Variants in RAB4A observed in about 807,000 individuals in gnomAD.
The protein encoded by RAB4A is RAB4A, member RAS oncogene family.
In RAB4A, 20 loss-of-function variants were observed where a neutral mutation model predicts 34.5. The ratio of observed to expected loss-of-function variants is 0.58; its 90% CI spans 0.41 to 0.84. RAB4A has a LOEUF of 0.84. Ranked by LOEUF, RAB4A falls within the 40% of genes least tolerant of loss-of-function variation. The pLI is 0.00. For synonymous variants in RAB4A, 102 were observed against 100.0 expected (o/e 1.02, Z -0.12); for missense variants, 228 against 274.5 (o/e 0.83, Z 1.20).
intron 1 of RAB4A, among the ~76,000 whole-genome samples, chr1:229,272,310 C>T (rs1012563003): frequency 2.0e-5 from 3 of 152,120 alleles, no homozygotes; most frequent in Non-Finnish European, 2.9e-5. Context: ...TTACATACCT[C>T]AAGCCAAATT....
chr1:229,302,325 T>TTA (rs1182960771), intron 6 of RAB4A, among the ~76,000 whole-genome samples: 5 of 95,846 alleles, frequency 5.2e-5, no homozygotes, highest in African/African-American at 1.6e-4. Context: ...TTTTTTTTTT[T>TTA]ACATGTGCAT....
chr1:229,289,514 T>C (rs1056477645), intron 3 of RAB4A, among the ~76,000 whole-genome samples: 44 of 152,348 alleles, frequency 2.9e-4, no homozygotes, highest in African/African-American at 1.0e-3. Flanking sequence ...ACATGTCGTA[T>C]ATTAAATAAT....
Position 229,271,179 on chromosome 1 carries a change from G to T in RAB4A, c.-161G>T. ...CTGCGCCTGCGCGGAGCTGGAGTCC[G>T]GCTGGGCCGCAGCCGCTGGGAGACC... is the stretch of plus-strand genomic sequence containing the variant. On this transcript the variant is annotated 5_prime_UTR_variant, in exon 1 of 8. Coordinates refer to ENST00000366690, the MANE Select transcript of RAB4A (RefSeq NM_004578.4). 1 of 642,476 alleles carries T rather than the reference G, an allele frequency of 1.6e-6. No homozygotes were observed. Among genetic ancestry groups the T allele is most frequent in the Non-Finnish European group, 2.2e-6 (1 of 456,382 alleles). 39.8% of individuals were successfully genotyped at this position (642,476 alleles called of 1,614,324 possible).
At chr1:229,274,759 G>A (rs768663287) in intron 1 of RAB4A, among the ~76,000 whole-genome samples, 10 of 152,246 alleles carry the variant, frequency 6.6e-5, no homozygotes, top group Non-Finnish European at 1.5e-4. Context: ...TATGTAGTGG[G>A]AAAATGCCAG....
chr1:229,287,361 C>T (rs563379259), intron 2 of RAB4A, among the ~76,000 whole-genome samples: 36 of 152,226 alleles, frequency 2.4e-4, no homozygotes, highest in South Asian at 6.2e-4. Context: ...TTTTCATCAC[C>T]CAAGAGCTTG....
intron 2 of RAB4A, among the ~76,000 whole-genome samples, chr1:229,287,164 TG>T (rs1245351944): frequency 6.6e-6 from 1 of 152,190 alleles, no homozygotes; most frequent in African/African-American, 2.4e-5. Context: ...GAGAAAGACC[TG>T]TCTAGTTAGT....
intron 1 of RAB4A, among the ~76,000 whole-genome samples, chr1:229,274,518 A>G (rs1656588981): frequency 6.6e-6 from 1 of 152,250 alleles, no homozygotes; most frequent in Non-Finnish European, 1.5e-5. Flanking sequence ...TTTATGTAAT[A>G]TCGTGAAACA....
intron 1 of RAB4A, among the ~76,000 whole-genome samples, chr1:229,281,565 C>G (rs996495846): frequency 2.3e-4 from 35 of 151,908 alleles, no homozygotes; most frequent in African/African-American, 8.0e-4. Flanking sequence ...TTAGGTCATG[C>G]TTTTTAAGTC....
In RAB4A at chr1:229,289,007, A is replaced by G. The variant is rs532249692; in HGVS notation, c.227+164A>G. On this transcript the variant is annotated intron_variant, in intron 3 of 7. Transcript: ENST00000366690. ...AACTTTGATTGACAAGACAGCTAAA[A>G]TTTAGGTTAGCTCTCTGCAGCATGG... The G allele has an allele frequency of 1.3e-5, 8 of 599,134 alleles. No individual in the cohort carries two copies. In the East Asian group the frequency reaches 2.4e-4, roughly 18 times the overall value. The allele number at this position is 599,134 out of a possible 1,614,324, so 37.1% of individuals were successfully genotyped here.
intron 1 of RAB4A, among the ~76,000 whole-genome samples, chr1:229,276,369 A>C (rs1656649854): frequency 6.6e-6 from 1 of 151,384 alleles, no homozygotes. Context: ...TTTTTGAAAA[A>C]ACAAAATATT....
chr1:229,276,875 C>A (rs1204259166), intron 1 of RAB4A, among the ~76,000 whole-genome samples: 1 of 150,726 alleles, frequency 6.6e-6, no homozygotes, highest in Non-Finnish European at 1.5e-5. Flanking sequence ...AGCATCTGCA[C>A]CACTGTCCCT....
chr1:229,293,585 A>G (rs1327309097), intron 3 of RAB4A, among the ~76,000 whole-genome samples: 1 of 152,208 alleles, frequency 6.6e-6, no homozygotes, highest in African/African-American at 2.4e-5. Flanking sequence ...ATGTCTAGCT[A>G]GCAGTGGTCC....
rs914836177 is a variant in RAB4A, at chr1:229,305,010, A to G, written c.*1217A>G. ...GGTTAAAAAGCTTTCTTCACCTTAT[A>G]TATGTTCTTCCACTGTGACTTTTTA... is the stretch of plus-strand genomic sequence containing the variant. On this transcript the variant is annotated 3_prime_UTR_variant, in exon 8 of 8. Transcript: ENST00000366690. 5 of 1,124,832 alleles carry G rather than the reference A, an allele frequency of 4.4e-6. No homozygotes were observed. Among genetic ancestry groups the G allele is most frequent in the African/African-American group, 3.2e-5 (2 of 61,670 alleles). The allele number at this position is 1,124,832 out of a possible 1,614,324, so 69.7% of individuals were successfully genotyped here.
intron 2 of RAB4A, 89 bp downstream of exon 2, chr1:229,286,655 A>G: frequency 1.4e-6 from 1 of 738,012 alleles, no homozygotes; most frequent in Non-Finnish European, 2.2e-6. Context: ...TAATTTTTTC[A>G]GAGGAAAAAA....
Position 229,299,420 on chromosome 1 carries a change from G to T in RAB4A, c.541+348G>T, listed in dbSNP as rs145573390. Among the ~76,000 whole-genome samples, 262 of 152,278 alleles carry T rather than the reference G, an allele frequency of 1.7e-3. 1 individual carries two copies. The highest frequency in any genetic ancestry group is 5.7e-3 in the African/African-American group (237 of 41,560). On this transcript the variant is annotated intron_variant, in intron 6 of 7. Coordinates refer to ENST00000366690, the MANE Select transcript of RAB4A (RefSeq NM_004578.4). ...CCTTTGTCCACTCTGTCAACAGCAC[G>T]CTAATTCTGTTGGGCCAGTGGTCAT... is the stretch of plus-strand genomic sequence containing the variant.
intron 1 of RAB4A, 88 bp downstream of exon 1, chr1:229,271,458 A>G: frequency 9.3e-7 from 1 of 1,080,478 alleles, no homozygotes; most frequent in Non-Finnish European, 1.1e-6. Flanking sequence ...GGGGGTCTTG[A>G]GGGTGGCGGT....
At chr1:229,271,441 G>A (rs1180164936) in intron 1 of RAB4A, 71 bp downstream of exon 1, 2 of 1,144,610 alleles carry the variant, frequency 1.7e-6, no homozygotes, top group Non-Finnish European at 1.1e-6. Flanking sequence ...GGCCGGGCCT[G>A]GGCTGCGGGG....
intron 1 of RAB4A, among the ~76,000 whole-genome samples, chr1:229,286,269 G>C (rs1163202597): frequency 2.6e-5 from 4 of 152,166 alleles, no homozygotes; most frequent in Admixed American, 6.5e-5. Context: ...ATTATTCAAA[G>C]AGCACAGTTT....
chr1:229,289,092 A>G lies in RAB4A; in HGVS notation c.227+249A>G, dbSNP rs568021401. On this transcript the variant is annotated intron_variant, in intron 3 of 7. Transcript: ENST00000366690. Reference sequence around the variant, plus strand: ...TGCATTATAATTCGGAGGCTGACCCATTCTCAGGAGGATGTGGCACTGTGT... The same window carrying G: ...TGCATTATAATTCGGAGGCTGACCCGTTCTCAGGAGGATGTGGCACTGTGT... 4 of 416,426 alleles carry G rather than the reference A, an allele frequency of 9.6e-6. 1 individual carries two copies. Among genetic ancestry groups the G allele is most frequent in the South Asian group, 8.3e-5 (3 of 36,262 alleles). 25.8% of individuals were successfully genotyped at this position (416,426 alleles called of 1,614,324 possible). A position where few individuals can be genotyped will look rare whatever the true frequency, so the allele number is the denominator to read the frequency against.
Sources: gnomAD v4.1 joint callset for allele counts (sites outside exome capture counted in the v4.1 genomes callset) on GRCh38, gnomAD v4.1.1 for gene constraint, MANE v1.5 for transcripts, NCBI Gene and HGNC (gene_info 2026-07-23, HGNC 2026-07-21) for gene names.